The following CDHR4 variants were observed in gnomAD, a reference collection of about 807,000 sequenced individuals.
The protein encoded by CDHR4 is cadherin-related family member 4.
CDHR4 carries 89 observed loss-of-function variants against 88.4 expected under a neutral mutation model. The ratio of observed to expected loss-of-function variants is 1.01; its 90% CI spans 0.85 to 1.20. The LOEUF (loss-of-function observed/expected upper bound fraction) is 1.20. CDHR4 is among the 50% of genes most tolerant of loss of function. The pLI is 0.00. For missense variants in CDHR4, 914 were observed against 1,007.2 expected (o/e 0.91, Z 1.25); for synonymous variants, 368 against 399.2 (o/e 0.92, Z 0.93).
At position 49,795,659 on chromosome 3, in the gene CDHR4, C is replaced by T. The variant is rs758592593; in HGVS notation, c.816G>A (p.Pro272=). The change falls in exon 7 of 19, where the codon CCG becomes CCA. Residue 272 remains proline (P), a synonymous_variant. Transcript: ENST00000412678. The surrounding 1 kb of genome is among the most constrained non-coding windows in gnomAD (Gnocchi z 5.4). The stretch of plus-strand genomic sequence containing the variant: ...CAATGGAGAAGAGTGGGCTGGGCAC[C>T]GGAGACAGGATTTCATAGCGCAGGT... ...GVDLRYEILS[P]VPSPLFSIGR... The T allele has an allele frequency of 2.0e-5, 31 of 1,551,628 alleles. No individual in the cohort carries two copies. The highest frequency in any genetic ancestry group is 1.7e-4 in the Middle Eastern group (1 of 5,992).
chr3:49,798,955 C>G, intron 3 of CDHR4, 38 bp from the exon 4 acceptor site: 1 of 1,611,210 alleles, frequency 6.2e-7, no homozygotes, highest in Non-Finnish European at 8.5e-7. Flanking sequence ...CTGCTCAGGC[C>G]ATGCCTGCCC....
rs1299262991 is a variant in CDHR4 at position 49,795,272 on chromosome 3, T to C, written c.955A>G (p.Ser319Gly). The part of the protein sequence containing the change: ...KAFEQGQLWA[S>G]AKLNLTMNVQ... ...TTCATGGTGAGATTGAGCTTGGCAC[T>C]GGCCCACAGCTGGCCCTGCTCAAAG... is the stretch of plus-strand genomic sequence containing the variant. Residue 319 changes from serine (S) to glycine (G), a missense_variant, in exon 8 of 19, where the codon AGT becomes GGT. Physicochemically the swap from Ser to Gly is moderately conservative, Grantham distance 56 (BLOSUM62 0). Transcript: ENST00000412678. This position sits in a 1 kb window ranked among gnomAD's most constrained non-coding sequence, Gnocchi z 5.4. The C allele has an allele frequency of 6.4e-7, 1 of 1,551,654 alleles. No individual in the cohort carries two copies. Among genetic ancestry groups the C allele is most frequent in the Non-Finnish European group, 8.7e-7 (1 of 1,146,970 alleles).
Position 49,793,314 on chromosome 3 carries a change from G to A in CDHR4, c.1624-3C>T, listed in dbSNP as rs1186921514. On this transcript the variant is annotated splice_polypyrimidine_tract_variant and splice_region_variant and intron_variant, in intron 12 of 18. Transcript: ENST00000412678. ...TCGGGGGCATGGTCATTCACATCCT[G>A]CAGAAAGGAACCAGGTTAGGAGTGG... 1.3e-6 allele frequency: 2 copies of A among 1,551,210 alleles called. No individual in the cohort carries two copies. The highest frequency in any genetic ancestry group is 8.7e-7 in the Non-Finnish European group (1 of 1,146,942).
Position 49,795,354 on chromosome 3 carries a change from C to T in CDHR4, c.873G>A (p.Thr291=), listed in dbSNP as rs984561045. The T allele has an allele frequency of 9.0e-6, 14 of 1,550,922 alleles. No homozygotes were observed. The highest frequency in any genetic ancestry group is 2.4e-5 in the East Asian group (1 of 40,916). The change falls in exon 8 of 19, where the codon ACG becomes ACA. Residue 291 remains threonine, a synonymous_variant. Transcript: ENST00000412678. This position sits in a 1 kb window ranked among gnomAD's most constrained non-coding sequence, Gnocchi z 5.4. ...CTGAGGTGCGAGCTAACTCTAGGGG[C>T]GTGGTGGTCCGGACCACACCGTCTG... ...GRADGVVRTT[T]PLELARTSGT... is the part of the protein sequence containing the mutation.
chr3:49,792,879 A>G lies in CDHR4; in HGVS notation c.1970T>C (p.Val657Ala). 1 of 1,544,554 alleles carries G rather than the reference A, an allele frequency of 6.5e-7. No individual in the cohort carries two copies. Among genetic ancestry groups the G allele is most frequent in the East Asian group, 2.5e-5 (1 of 40,714 alleles). ...TGTGGTTCTGTGGGTGCTGGTGGCC[A>G]CTGTGCTGGCCCTCCGGGGAACTAG... ...VHLVPRRAST[V>A]ATSTHRTTVP... The change falls in exon 14 of 19, where the codon GTG becomes GCG. Residue 657 changes from valine to alanine, a missense_variant. Transcript: ENST00000412678.
chr3:49,791,343 G>C (rs1005220012), intron 18 of CDHR4, 98 bp downstream of exon 18: 77 of 1,321,236 alleles, frequency 5.8e-5, no homozygotes, highest in Non-Finnish European at 7.6e-5. Flanking sequence ...GGGTTCCTGG[G>C]AGTAGGAGGA....
chr3:49,798,682 A>G (rs2081310937), intron 4 of CDHR4, 144 bp downstream of exon 4: 4 of 741,096 alleles, frequency 5.4e-6, no homozygotes, highest in African/African-American at 3.6e-5. Flanking sequence ...AGCTCTCTCC[A>G]AGAACATACA....
chr3:49,799,942 TC>T, upstream of CDHR4: 1 of 796,690 alleles, frequency 1.3e-6, no homozygotes, highest in Non-Finnish European at 2.0e-6. Flanking sequence ...CCAGATTCTA[TC>T]CCCACCCATC....
rs1559725337 is a variant in CDHR4, at chr3:49,793,966, C to T, written c.1320G>A (p.Glu440=). ...TGCGAGGGGCACAGGCTGGGGAGAA[C>T]TCGTTGATGGGTGTCACCATCACCA... is the stretch of plus-strand genomic sequence containing the variant. ...PVLVMVTPIN[E]FSPACAPRTF... The change falls in exon 11 of 19, where the codon GAG becomes GAA. Residue 440 remains glutamate (E), a synonymous_variant. Transcript: ENST00000412678. 3 of 1,551,750 alleles carry T rather than the reference C, an allele frequency of 1.9e-6. No individual in the cohort carries two copies. Among genetic ancestry groups the T allele is most frequent in the Non-Finnish European group, 1.7e-6 (2 of 1,147,010 alleles).
Position 49,796,055 on chromosome 3 carries a change from C to T in CDHR4, c.607-9G>A. The T allele has an allele frequency of 6.7e-7, 1 of 1,499,554 alleles. No homozygotes were observed. The allele number at this position is 1,499,554 out of a possible 1,614,324, so 92.9% of individuals were successfully genotyped here. A position where few individuals can be genotyped will look rare whatever the true frequency, so the allele number is the denominator to read the frequency against. On this transcript the variant is annotated splice_polypyrimidine_tract_variant and intron_variant, in intron 5 of 18. Coordinates refer to ENST00000412678, the MANE Select transcript of CDHR4 (RefSeq NM_001007540.4). ...ATTTGCAGCTGGAAGACCTGTGGTG[C>T]ACCCAGAACAGAAAAGGAGCCAGAT...
chr3:49,799,344 G>A lies in CDHR4; in HGVS notation c.143C>T (p.Thr48Met), dbSNP rs199960408. The change falls in exon 2 of 19, where the codon ACG (threonine) becomes ATG (methionine). Residue 48 changes from threonine (T) to methionine (M), a missense_variant. By Grantham distance (81) the Thr-to-Met change is moderately conservative. Coordinates refer to ENST00000412678, the MANE Select transcript of CDHR4 (RefSeq NM_001007540.4). ...QFLSFNCSSY[T>M]PTPTLELLNV... ...GAGCAACTCCAGGGTGGGTGTGGGC[G>A]TGTAGGAGGAGCAGTTGAAGGATAA... The A allele has an allele frequency of 6.1e-5, 99 of 1,613,562 alleles. No individual in the cohort carries two copies. The highest frequency in any genetic ancestry group is 2.5e-4 in the African/African-American group (19 of 74,934).
Position 49,791,973 on chromosome 3 carries a change from A to T in CDHR4, c.2139-14T>A. 1.3e-6 allele frequency: 2 copies of T among 1,551,530 alleles called. No individual in the cohort carries two copies. On this transcript the variant is annotated splice_polypyrimidine_tract_variant and intron_variant, in intron 15 of 18. Coordinates refer to ENST00000412678, the MANE Select transcript of CDHR4 (RefSeq NM_001007540.4). ...AGCTGGGCCAACCTAAAATGCCAGG[A>T]GGAGTAACGAAGCAGTGAGGGCAGC...
At position 49,795,452 on chromosome 3, in the gene CDHR4, C is replaced by A; in HGVS notation, c.848-73G>T. The A allele has an allele frequency of 1.3e-6, 2 of 1,511,448 alleles. No homozygotes were observed. The highest frequency in any genetic ancestry group is 1.3e-5 in the South Asian group (1 of 79,482). 93.6% of individuals were successfully genotyped at this position (1,511,448 alleles called of 1,614,324 possible). On this transcript the variant is annotated intron_variant, in intron 7 of 18. Transcript: ENST00000412678. The surrounding 1 kb of genome is among the most constrained non-coding windows in gnomAD (Gnocchi z 5.4). ...GATCAGCCCCGCCTCCCAGCTCAGT[C>A]CCACTCCTGCCAGCCCACCAGATCC...
Position 49,799,031 on chromosome 3 carries a change from A to G in CDHR4, c.366T>C (p.Leu122=). The G allele has an allele frequency of 1.2e-6, 2 of 1,604,810 alleles. No individual in the cohort carries two copies. The highest frequency in any genetic ancestry group is 1.7e-6 in the Non-Finnish European group (2 of 1,175,860). Residue 122 remains leucine, a synonymous_variant, in exon 3 of 19, where the codon CTT becomes CTC. Transcript: ENST00000412678. ...ATTGACCAGCACACTGGATATGGCTAAGGTCCCGCTGCACATCCACAGAGA... is the reference window on the plus strand; with the variant it reads ...ATTGACCAGCACACTGGATATGGCTGAGGTCCCGCTGCACATCCACAGAGA... ...GSLSVDVQRD[L]SHIQCAGQFA...
chr3:49,794,360 T>G (rs1197512277), intron 10 of CDHR4, among the ~76,000 whole-genome samples: 2 of 150,780 alleles, frequency 1.3e-5, no homozygotes, highest in African/African-American at 4.9e-5. Flanking sequence ...ATCGTGCCAC[T>G]GCACTCCAGC....
At position 49,793,940 on chromosome 3, in the gene CDHR4, G is replaced by C. The variant is rs1372465726; in HGVS notation, c.1346C>G (p.Thr449Arg). 1.3e-6 allele frequency: 2 copies of C among 1,551,650 alleles called. No individual in the cohort carries two copies. The highest frequency in any genetic ancestry group is 1.7e-6 in the Non-Finnish European group (2 of 1,147,006). ...NEFSPACAPR[T>R]FRVQEDAAPH... Reference sequence around the variant, plus strand: ...CGCCGCATCCTCCTGAACCCGGAACGTGCGAGGGGCACAGGCTGGGGAGAA... The same window carrying C: ...CGCCGCATCCTCCTGAACCCGGAACCTGCGAGGGGCACAGGCTGGGGAGAA... The change falls in exon 11 of 19, where the codon ACG (threonine) becomes AGG (arginine). Residue 449 changes from threonine to arginine, a missense_variant. Coordinates refer to ENST00000412678, the MANE Select transcript of CDHR4 (RefSeq NM_001007540.4).
chr3:49,792,855 G>T lies in CDHR4; in HGVS notation c.1994C>A (p.Thr665Lys), dbSNP rs2081201739. The change falls in exon 14 of 19, where the codon ACA (threonine) becomes AAA (lysine). Residue 665 changes from threonine to lysine, a missense_variant and splice_region_variant. Thr to Lys is a moderately conservative substitution (Grantham distance 78, BLOSUM62 -1). Coordinates refer to ENST00000412678, the MANE Select transcript of CDHR4 (RefSeq NM_001007540.4). ...TGAGGGCCCAAGGAGCCTCCTCACT[G>T]TGGTTCTGTGGGTGCTGGTGGCCAC... is the stretch of plus-strand genomic sequence containing the variant. ...STVATSTHRT[T>K]VPSTMTPMLV... 6.5e-7 allele frequency: 1 copy of T among 1,534,744 alleles called. No individual in the cohort carries two copies. The highest frequency in any genetic ancestry group is 8.8e-7 in the Non-Finnish European group (1 of 1,135,448).
chr3:49,802,030 C>G (rs1303960547), upstream of CDHR4, among the ~76,000 whole-genome samples: 1 of 152,214 alleles, frequency 6.6e-6, no homozygotes, highest in Non-Finnish European at 1.5e-5. Context: ...CCACCAATCA[C>G]AGACACCTGG....
In CDHR4 at chr3:49,794,022, C is replaced by T. The variant is rs2081227108; in HGVS notation, c.1280-16G>A. ...GGCACCTCAGCTGGAAGTCATTTGG[C>T]AGTCAAGGAGCTGGCCTGGGGTAAC... On this transcript the variant is annotated splice_polypyrimidine_tract_variant and intron_variant, in intron 10 of 18. Coordinates refer to ENST00000412678, the MANE Select transcript of CDHR4 (RefSeq NM_001007540.4). 1 of 1,550,284 alleles carries T rather than the reference C, an allele frequency of 6.5e-7. No individual in the cohort carries two copies. Among genetic ancestry groups the T allele is most frequent in the African/African-American group, 1.4e-5 (1 of 73,032 alleles).
Sources: allele counts gnomAD v4.1 joint callset (sites outside exome capture counted in the v4.1 genomes callset), GRCh38; gene constraint gnomAD v4.1.1; non-coding constraint Gnocchi (gnomAD v3.1); transcripts MANE v1.5; gene names NCBI Gene and HGNC (gene_info 2026-07-23, HGNC 2026-07-21).